NPR3: variants seen among roughly 807,000 people sequenced by gnomAD.
NPR3 encodes natriuretic peptide receptor 3.
In NPR3, 34 loss-of-function variants were observed where a neutral mutation model predicts 54.5. The ratio of observed to expected loss-of-function variants is 0.62; its 90% CI spans 0.47 to 0.83. The LOEUF (loss-of-function observed/expected upper bound fraction) is 0.83, where lower values mean the gene tolerates loss of function less well. Among genes scored for constraint, NPR3 ranks in the 40% least tolerant of loss-of-function variants. The pLI is 0.00. For synonymous variants in NPR3, 289 were observed against 297.1 expected (o/e 0.97, Z 0.28); for missense variants, 674 against 720.8 (o/e 0.94, Z 0.74).
chr5:32,711,737 G>A lies in NPR3; in HGVS notation c.-40G>A. ...GAAGGGTGGGTGGGGGGCAGAGGGCGAGTCGGCGGCGGCGAGGGCAAGCTC... is the reference window on the plus strand; with the variant it reads ...GAAGGGTGGGTGGGGGGCAGAGGGCAAGTCGGCGGCGGCGAGGGCAAGCTC... On this transcript the variant is annotated 5_prime_UTR_variant, in exon 1 of 8. Coordinates refer to ENST00000265074, the MANE Select transcript of NPR3 (RefSeq NM_001204375.2). 1 of 1,412,128 alleles carries A rather than the reference G, an allele frequency of 7.1e-7. No homozygotes were observed. The highest frequency in any genetic ancestry group is 9.2e-7 in the Non-Finnish European group (1 of 1,084,176). 87.5% of individuals were successfully genotyped at this position (1,412,128 alleles called of 1,614,324 possible).
intron 3 of NPR3, among the ~76,000 whole-genome samples, chr5:32,743,738 C>T (rs1740149278): frequency 6.6e-6 from 1 of 152,114 alleles, no homozygotes; most frequent in South Asian, 2.1e-4. Flanking sequence ...ATTAGCTTCC[C>T]TGAGTCCAGT....
chr5:32,727,521 A>G (rs1365003786), intron 2 of NPR3, among the ~76,000 whole-genome samples: 1 of 152,190 alleles, frequency 6.6e-6, no homozygotes, highest in Non-Finnish European at 1.5e-5. Flanking sequence ...AGCCTGTATA[A>G]TCTTTTACCT....
At chr5:32,704,312 C>G (rs998819047) in intron 1 of NPR3, among the ~76,000 whole-genome samples, 1 of 151,668 alleles carries the variant, frequency 6.6e-6, no homozygotes, top group African/African-American at 2.4e-5. Context: ...GAAATGAAAA[C>G]CAGGTACTGT....
intron 1 of NPR3, among the ~76,000 whole-genome samples, chr5:32,713,770 A>G (rs1011336004): frequency 6.6e-6 from 1 of 152,242 alleles, no homozygotes; most frequent in Non-Finnish European, 1.5e-5. Context: ...GAAGCCATCG[A>G]TAATGGCGCT....
intron 1 of NPR3, among the ~76,000 whole-genome samples, chr5:32,719,027 A>G (rs1218602784): frequency 6.6e-6 from 1 of 152,228 alleles, no homozygotes; most frequent in South Asian, 2.1e-4. Context: ...GATACATTCC[A>G]TCAATACCTA....
intron 3 of NPR3, among the ~76,000 whole-genome samples, chr5:32,744,837 G>A (rs1456286350): frequency 6.6e-6 from 1 of 152,064 alleles, no homozygotes; most frequent in African/African-American, 2.4e-5. Context: ...CCGATGTGTG[G>A]GATTTTCTGA....
intron 4 of NPR3, among the ~76,000 whole-genome samples, chr5:32,775,191 T>A (rs1376563756): frequency 6.6e-6 from 1 of 152,248 alleles, no homozygotes; most frequent in Non-Finnish European, 1.5e-5. Flanking sequence ...TATACATTCA[T>A]GTGTTCAGAC....
rs201072091 is a variant in NPR3, at chr5:32,712,245, G to A, written c.469G>A (p.Ala157Thr). The A allele has an allele frequency of 5.6e-6, 9 of 1,612,616 alleles. No individual in the cohort carries two copies. In the African/African-American group the frequency reaches 1.2e-4, roughly 21 times the overall value. ...GCACTGGGACCTGCCCATGCTGTCGGCTGGGGCGCTGGCCGCTGGCTTCCA... is the reference window on the plus strand; with the variant it reads ...GCACTGGGACCTGCCCATGCTGTCGACTGGGGCGCTGGCCGCTGGCTTCCA... The part of the protein sequence containing the change: ...ASHWDLPMLS[A>T]GALAAGFQHK... The change falls in exon 1 of 8, where the codon GCT becomes ACT. Residue 157 changes from alanine to threonine, a missense_variant. Coordinates refer to ENST00000265074, the MANE Select transcript of NPR3 (RefSeq NM_001204375.2).
intron 4 of NPR3, among the ~76,000 whole-genome samples, chr5:32,776,917 G>A (rs966163385): frequency 2.6e-5 from 4 of 152,160 alleles, no homozygotes; most frequent in Admixed American, 6.5e-5. Context: ...TGAGAGTGAA[G>A]TTGAGTAGAG....
At chr5:32,752,669 G>C (rs1482120208) in intron 3 of NPR3, among the ~76,000 whole-genome samples, 2 of 152,182 alleles carry the variant, frequency 1.3e-5, no homozygotes, top group Non-Finnish European at 2.9e-5. Context: ...TAAACTACAA[G>C]TTGGCTTTTA....
chr5:32,722,693 C>A (rs1192742147), intron 1 of NPR3, among the ~76,000 whole-genome samples: 1 of 152,178 alleles, frequency 6.6e-6, no homozygotes, highest in Non-Finnish European at 1.5e-5. Flanking sequence ...TCAAACTTGT[C>A]CAGCCTCAGT....
intron 3 of NPR3, among the ~76,000 whole-genome samples, chr5:32,744,097 A>G (rs1471159848): frequency 1.4e-5 from 2 of 146,716 alleles, no homozygotes; most frequent in African/African-American, 2.5e-5. Context: ...GGTTCAGGTG[A>G]TTCTCCTGCC....
rs757879569 is a variant in NPR3, at chr5:32,782,897, T to C, written c.1295T>C (p.Ile432Thr). The stretch of plus-strand genomic sequence containing the variant: ...TTGTTTTTTGCCTCTATATAGGTTA[T>C]TGGTGATTATTTTGGAAAAGAAGGT... ...TDVEAGTQEV[I>T]GDYFGKEGRF... The change falls in exon 6 of 8, where the codon ATT becomes ACT. Residue 432 changes from isoleucine to threonine, a missense_variant. Physicochemically the swap from Ile to Thr is moderately conservative, Grantham distance 89. Coordinates refer to ENST00000265074, the MANE Select transcript of NPR3 (RefSeq NM_001204375.2). The C allele has an allele frequency of 6.8e-6, 11 of 1,611,028 alleles. No homozygotes were observed. The South Asian group carries it at 1.1e-4, about 16-fold the overall frequency.
chr5:32,746,446 G>A (rs929827982), intron 3 of NPR3, among the ~76,000 whole-genome samples: 9 of 152,134 alleles, frequency 5.9e-5, no homozygotes, highest in African/African-American at 2.2e-4. Flanking sequence ...CCTGAACCCT[G>A]TTTATTCACA....
chr5:32,785,138 ATTTTTTTTT>A (rs11427729), intron 7 of NPR3, among the ~76,000 whole-genome samples: 9 of 90,892 alleles, frequency 9.9e-5, no homozygotes, highest in African/African-American at 2.5e-4. Context: ...TTGATCACAG[ATTTTTTTTT>A]TTTTTTTTTT....
chr5:32,722,034 C>T (rs1738891609), intron 1 of NPR3, among the ~76,000 whole-genome samples: 1 of 152,100 alleles, frequency 6.6e-6, no homozygotes, highest in South Asian at 2.1e-4. Flanking sequence ...CTCCAAATAC[C>T]ACCAACAAAT....
intron 1 of NPR3, among the ~76,000 whole-genome samples, chr5:32,698,459 G>A (rs1740587074): frequency 6.6e-6 from 1 of 152,008 alleles, no homozygotes; most frequent in Admixed American, 6.6e-5. Flanking sequence ...GCAGCCATTG[G>A]ATGAAATGAT....
intron 5 of NPR3, among the ~76,000 whole-genome samples, chr5:32,782,517 G>T (rs532931560): frequency 6.6e-6 from 1 of 152,140 alleles, no homozygotes; most frequent in South Asian, 2.1e-4. Context: ...AATCCTAGGG[G>T]CAGCACTGAC....
intron 4 of NPR3, among the ~76,000 whole-genome samples, chr5:32,780,192 G>C (rs540684865): frequency 6.6e-6 from 1 of 152,170 alleles, no homozygotes; most frequent in Non-Finnish European, 1.5e-5. Flanking sequence ...CCAAGATAAA[G>C]AAGAATAGTT....
Sources: gnomAD v4.1 joint callset for allele counts (sites outside exome capture counted in the v4.1 genomes callset) on GRCh38, gnomAD v4.1.1 for gene constraint, MANE v1.5 for transcripts, NCBI Gene and HGNC (gene_info 2026-07-23, HGNC 2026-07-21) for gene names.